The following PGAP2 variants were observed in gnomAD, a reference collection of about 807,000 sequenced individuals.
PGAP2 encodes the protein acyltransferase PGAP2.
Under a neutral mutation model 33.2 loss-of-function variants are expected in PGAP2, and 21 were observed. That is an observed-to-expected ratio of 0.63 (90% confidence interval 0.45 to 0.91). The LOEUF is 0.91. Ranked by LOEUF, PGAP2 falls within the 40% of genes least tolerant of loss-of-function variation. The pLI, the probability that PGAP2 is intolerant of heterozygous loss-of-function variation, is 0.00. For missense variants in PGAP2, 345 were observed against 424.0 expected (o/e 0.81, Z 1.64); for synonymous variants, 161 against 172.9 (o/e 0.93, Z 0.54).
intron 3 of PGAP2, chr11:3,817,748 T>C (rs1392053936): frequency 4.4e-6 from 3 of 687,480 alleles, no homozygotes; most frequent in East Asian, 5.6e-5. Context: ...AAGATGATGA[T>C]AGAAATGCAA....
chr11:3,814,703 G>A (rs1056969913), intron 2 of PGAP2, among the ~76,000 whole-genome samples: 1 of 151,172 alleles, frequency 6.6e-6, no homozygotes, highest in Non-Finnish European at 1.5e-5. Flanking sequence ...TTGAGCCACT[G>A]TGCCTAGCCC....
intron 5 of PGAP2, chr11:3,824,787 C>A: frequency 7.0e-7 from 1 of 1,431,626 alleles, no homozygotes. Flanking sequence ...ATACTCCATC[C>A]CCCTGAAGTG....
Position 3,817,473 on chromosome 11 carries a change from T to C in PGAP2, c.286T>C (p.Phe96Leu), listed in dbSNP as rs1565026073. Residue 96 changes from phenylalanine to leucine, a missense_variant, in exon 3 of 7, where the codon TTC becomes CTC. Physicochemically the swap from Phe to Leu is conservative, Grantham distance 22. Around this residue, in one of 2 missense-constraint regions of PGAP2, gnomAD observed 311 missense variants for 353.6 expected, o/e 0.88. Coordinates refer to ENST00000278243, the MANE Select transcript of PGAP2 (RefSeq NM_014489.4). Reference protein sequence around the residue: ...WAITFPVFGFFFCIIWSLVFH... With the variant: ...WAITFPVFGFLFCIIWSLVFH... ...CATCACTTTTCCTGTGTTCGGCTTCTTCTTCTGCATCATCTGGTCCCTGGT... is the reference window on the plus strand; with the variant it reads ...CATCACTTTTCCTGTGTTCGGCTTCCTCTTCTGCATCATCTGGTCCCTGGT... The C allele has an allele frequency of 1.4e-5, 23 of 1,614,100 alleles. No individual in the cohort carries two copies. The South Asian group carries it at 2.1e-4, about 15-fold the overall frequency.
intron 1 of PGAP2, among the ~76,000 whole-genome samples, chr11:3,799,923 C>T (rs928536062): frequency 2.0e-5 from 3 of 152,076 alleles, no homozygotes; most frequent in Non-Finnish European, 4.4e-5. Context: ...GCTGTGATTA[C>T]AGTCATGCCA....
intron 5 of PGAP2, chr11:3,824,758 G>A: frequency 7.2e-7 from 1 of 1,394,706 alleles, no homozygotes; most frequent in Non-Finnish European, 9.4e-7. Context: ...GGGTTGGTGG[G>A]TGACTCCATG....
rs752346360 is a variant in PGAP2, at chr11:3,823,914, C to G, written c.380C>G (p.Ala127Gly). The change falls in exon 4 of 7, where the codon GCC becomes GGC. Residue 127 changes from alanine to glycine, a missense_variant. Transcript: ENST00000278243. Reference protein sequence around the residue: ...VPNYLPSVSSAIGGEVPQRYV... With the variant: ...VPNYLPSVSSGIGGEVPQRYV... Reference sequence around the variant, plus strand: ...AATTACCTGCCCTCGGTGAGCTCAGCCATCGGCGGGGAGGTGCCCCAGCGC... The same window carrying G: ...AATTACCTGCCCTCGGTGAGCTCAGGCATCGGCGGGGAGGTGCCCCAGCGC... 3.7e-6 allele frequency: 6 copies of G among 1,605,304 alleles called. No individual in the cohort carries two copies. In the South Asian group the frequency reaches 6.6e-5, roughly 18 times the overall value.
chr11:3,825,786 T>C lies in PGAP2; in HGVS notation c.*328T>C, dbSNP rs560502180. 62 of 232,810 alleles carry C rather than the reference T, an allele frequency of 2.7e-4. No homozygotes were observed. The highest frequency in any genetic ancestry group is 5.6e-4 in the Admixed American group (11 of 19,470). The allele number at this position is 232,810 out of a possible 1,614,324, so 14.4% of individuals were successfully genotyped here. On this transcript the variant is annotated 3_prime_UTR_variant, in exon 7 of 7. Coordinates refer to ENST00000278243, the MANE Select transcript of PGAP2 (RefSeq NM_014489.4). Reference sequence around the variant, plus strand: ...AGTTTCTGGCCTTTACACAGTCACCTTTCACTGAGGTCAGGAGCCCCTGAG... The same window carrying C: ...AGTTTCTGGCCTTTACACAGTCACCCTTCACTGAGGTCAGGAGCCCCTGAG...
intron 1 of PGAP2, among the ~76,000 whole-genome samples, 200 bp downstream of exon 1, chr11:3,808,851 G>A (rs759202010): frequency 2.8e-4 from 42 of 152,200 alleles, no homozygotes; most frequent in Non-Finnish European, 5.3e-4. Flanking sequence ...CCCCAGCGTG[G>A]GGCCGGGTGT....
At chr11:3,823,024 CTTTT>C (rs746736798) in intron 3 of PGAP2, 1,556 of 306,460 alleles carry the variant, frequency 5.1e-3, no homozygotes, top group South Asian at 8.3e-3. Context: ...TTTTTCTTTT[CTTTT>C]TTTTTTTTTT....
chr11:3,824,825 G>C lies in PGAP2; in HGVS notation c.709-195G>C, dbSNP rs866375179. ...AGCGGCAGGAATACCACTGCTCCTC[G>C]GCCCATCACTCCCCCAGAGGCAGGG... On this transcript the variant is annotated intron_variant, in intron 5 of 6. Coordinates refer to ENST00000278243, the MANE Select transcript of PGAP2 (RefSeq NM_014489.4). The C allele has an allele frequency of 2.1e-5, 30 of 1,435,774 alleles. 1 individual carries two copies. In the South Asian group the frequency reaches 2.7e-4, roughly 13 times the overall value. The allele number at this position is 1,435,774 out of a possible 1,614,324, so 88.9% of individuals were successfully genotyped here.
chr11:3,802,795 T>C (rs1320848443), intron 1 of PGAP2, among the ~76,000 whole-genome samples: 2 of 151,584 alleles, frequency 1.3e-5, no homozygotes, highest in South Asian at 2.1e-4. Context: ...GTCTATGACA[T>C]GGGCAGAATA....
chr11:3,819,019 C>T (rs1590336039), intron 3 of PGAP2, among the ~76,000 whole-genome samples: 1 of 152,186 alleles, frequency 6.6e-6, no homozygotes, highest in East Asian at 1.9e-4. Flanking sequence ...AGATTTTAGG[C>T]AGGAAAGGGA....
At chr11:3,798,364 T>TTGTC (rs2082882727) in intron 1 of PGAP2, among the ~76,000 whole-genome samples, 1 of 152,184 alleles carries the variant, frequency 6.6e-6, no homozygotes, top group African/African-American at 2.4e-5. Context: ...AAGTCTCGCG[T>TTGTC]TGTCGCCTAG....
intron 1 of PGAP2, among the ~76,000 whole-genome samples, chr11:3,799,677 A>T (rs1302718916): frequency 6.6e-6 from 1 of 152,136 alleles, no homozygotes; most frequent in African/African-American, 2.4e-5. Context: ...TTGTTTGTTT[A>T]AAAAATGGGA....
intron 1 of PGAP2, among the ~76,000 whole-genome samples, chr11:3,799,534 T>A (rs1267664317): frequency 1.3e-5 from 2 of 152,096 alleles, no homozygotes; most frequent in Non-Finnish European, 1.5e-5. Context: ...AAAAAATTTT[T>A]AAAAAACCTC....
chr11:3,806,406 G>C (rs2084348334), upstream of PGAP2, among the ~76,000 whole-genome samples: 1 of 152,162 alleles, frequency 6.6e-6, no homozygotes, highest in African/African-American at 2.4e-5. Context: ...ATCAAGAAAA[G>C]TAGTTTTTAG....
intron 1 of PGAP2, chr11:3,798,131 T>G: frequency 6.9e-7 from 1 of 1,452,704 alleles, no homozygotes; most frequent in Middle Eastern, 2.3e-4. Flanking sequence ...TGCCCGAGGC[T>G]TCTTCAGGGC....
intron 6 of PGAP2, 64 bp from the exon 7 acceptor site, chr11:3,825,264 C>G (rs1260534106): frequency 6.3e-6 from 10 of 1,583,274 alleles, no homozygotes; most frequent in African/African-American, 1.3e-5. Flanking sequence ...TGTGATTTAT[C>G]AAGAGGCCTC....
intron 2 of PGAP2, among the ~76,000 whole-genome samples, chr11:3,814,752 CTTT>C (rs1565011321): frequency 2.5e-5 from 2 of 79,420 alleles, no homozygotes; most frequent in African/African-American, 5.7e-5. Flanking sequence ...TCCTTCTTTT[CTTT>C]CTTTCTTTCT....
Sources: allele counts gnomAD v4.1 joint callset (sites outside exome capture counted in the v4.1 genomes callset), GRCh38; gene constraint gnomAD v4.1.1; regional missense constraint gnomAD v4.1.1; transcripts MANE v1.5; gene names NCBI Gene and HGNC (gene_info 2026-07-23, HGNC 2026-07-21).